The following CAMTA1 variants were observed in gnomAD, a reference collection of about 807,000 sequenced individuals.
CAMTA1 encodes the protein calmodulin-binding transcription activator 1.
Under a neutral mutation model 170.9 loss-of-function variants are expected in CAMTA1, and 27 were observed. The observed-to-expected ratio is 0.16, with a 90% confidence interval of 0.12 to 0.22. CAMTA1 has a LOEUF of 0.22. Among genes scored for constraint, CAMTA1 ranks in the 10% least tolerant of loss-of-function variants. CAMTA1 has a pLI of 1.00. For missense variants in CAMTA1, 1,619 were observed against 2,217.2 expected (o/e 0.73, Z 5.42); for synonymous variants, 833 against 891.5 (o/e 0.93, Z 1.17).
chr1:7,663,282 T>G (rs2095976752), intron 8 of CAMTA1, 71 bp from the exon 9 acceptor site: 2 of 1,489,604 alleles, frequency 1.3e-6, no homozygotes, highest in Non-Finnish European at 1.8e-6. Context: ...TGACTCTCTT[T>G]TGTGTGTGCA....
chr1:7,405,813 G>A (rs1330044805), intron 5 of CAMTA1, among the ~76,000 whole-genome samples: 2 of 152,226 alleles, frequency 1.3e-5, no homozygotes, highest in African/African-American at 4.8e-5. Flanking sequence ...TGCCCTGGAG[G>A]AGGACCAAGC....
At chr1:7,483,736 G>A (rs1420149803) in intron 6 of CAMTA1, among the ~76,000 whole-genome samples, 3 of 152,124 alleles carry the variant, frequency 2.0e-5, no homozygotes, top group African/African-American at 4.8e-5. Flanking sequence ...CCCACCCTGG[G>A]GAGGGAAACC....
intron 6 of CAMTA1, among the ~76,000 whole-genome samples, chr1:7,621,579 A>C (rs2095598576): frequency 6.6e-6 from 1 of 152,188 alleles, no homozygotes; most frequent in African/African-American, 2.4e-5. Context: ...GTTAATAAGA[A>C]ACTAAGAAAT....
intron 3 of CAMTA1, among the ~76,000 whole-genome samples, chr1:6,975,836 C>G (rs1205598307): frequency 6.6e-6 from 1 of 152,208 alleles, no homozygotes; most frequent in African/African-American, 2.4e-5. Flanking sequence ...CCCTTGGCAA[C>G]CACCAATCTG....
intron 5 of CAMTA1, among the ~76,000 whole-genome samples, chr1:7,400,116 T>TGTCA (rs1021846822): frequency 2.9e-4 from 44 of 152,342 alleles, no homozygotes; most frequent in African/African-American, 1.0e-3. Flanking sequence ...TGAAGATATT[T>TGTCA]GTCAGCTTAA....
chr1:7,741,293 G>A (rs77597443), intron 16 of CAMTA1, among the ~76,000 whole-genome samples: 22,085 of 152,180 alleles, frequency 0.15, 2,129 homozygotes, highest in East Asian at 0.28. Context: ...GCCGGGCGCG[G>A]TGGCTCACAC....
intron 3 of CAMTA1, among the ~76,000 whole-genome samples, chr1:6,993,031 A>G (rs896770084): frequency 6.6e-6 from 1 of 152,250 alleles, no homozygotes; most frequent in Non-Finnish European, 1.5e-5. Context: ...CTAAACATTA[A>G]TTAACCACAT....
intron 1 of CAMTA1, among the ~76,000 whole-genome samples, chr1:6,808,291 A>C (rs1644753506): frequency 6.6e-6 from 1 of 151,956 alleles, no homozygotes; most frequent in East Asian, 1.9e-4. Flanking sequence ...AACAGGTGCT[A>C]ATAAGGGCCA....
intron 4 of CAMTA1, among the ~76,000 whole-genome samples, chr1:7,199,243 G>C (rs1021780181): frequency 6.6e-6 from 1 of 152,198 alleles, no homozygotes; most frequent in Non-Finnish European, 1.5e-5. Flanking sequence ...TGGGCATCCT[G>C]CCTGGAGAAG....
intron 4 of CAMTA1, among the ~76,000 whole-genome samples, chr1:7,103,456 TACACACATGTACACAAC>T (rs1470922945): frequency 1.7e-5 from 2 of 120,596 alleles, no homozygotes; most frequent in Non-Finnish European, 3.4e-5. Flanking sequence ...CACACACAAC[TACACACATGTACACAAC>T]ACACACTACA....
intron 5 of CAMTA1, among the ~76,000 whole-genome samples, chr1:7,406,081 G>A (rs1354162758): frequency 1.3e-5 from 2 of 152,250 alleles, no homozygotes; most frequent in Non-Finnish European, 2.9e-5. Context: ...TGGCAGAGCT[G>A]GAGCTTCTGC....
intron 5 of CAMTA1, among the ~76,000 whole-genome samples, chr1:7,399,950 A>G (rs928930382): frequency 2.0e-5 from 3 of 152,168 alleles, no homozygotes; most frequent in African/African-American, 7.2e-5. Context: ...TTCCTTGGAG[A>G]GGACCTCTTT....
intron 3 of CAMTA1, among the ~76,000 whole-genome samples, chr1:6,985,563 T>TA (rs1241100690): frequency 1.3e-5 from 2 of 152,254 alleles, no homozygotes; most frequent in African/African-American, 2.4e-5. Flanking sequence ...GATATACACT[T>TA]ACAATCTCTC....
intron 3 of CAMTA1, among the ~76,000 whole-genome samples, chr1:7,080,598 G>A (rs1043115349): frequency 6.6e-6 from 1 of 152,006 alleles, no homozygotes; most frequent in African/African-American, 2.4e-5. Flanking sequence ...GTAATGGCAC[G>A]ATCTTGGCTC....
chr1:7,449,551 A>G (rs1775041), intron 5 of CAMTA1, among the ~76,000 whole-genome samples: 24,039 of 152,038 alleles, frequency 0.16, 2,384 homozygotes, highest in East Asian at 0.34. Flanking sequence ...GGGCGGATCA[A>G]TTGAGGACAG....
At chr1:6,930,104 C>G (rs1489743589) in intron 3 of CAMTA1, among the ~76,000 whole-genome samples, 1 of 152,180 alleles carries the variant, frequency 6.6e-6, no homozygotes, top group African/African-American at 2.4e-5. Flanking sequence ...AGCCTTTGCA[C>G]ATGCTCTTCC....
chr1:6,999,090 G>A (rs17030129), intron 3 of CAMTA1, among the ~76,000 whole-genome samples: 26,393 of 152,078 alleles, frequency 0.17, 2,553 homozygotes, highest in South Asian at 0.26. Flanking sequence ...TATAGCCAGC[G>A]TTTCCAGTGG....
chr1:7,006,541 G>A (rs1466929273), intron 3 of CAMTA1, among the ~76,000 whole-genome samples: 1 of 152,116 alleles, frequency 6.6e-6, no homozygotes, highest in African/African-American at 2.4e-5. Flanking sequence ...TTAATTATCA[G>A]GAAAATGATA....
chr1:7,176,651 T>C (rs1381471309), intron 4 of CAMTA1, among the ~76,000 whole-genome samples: 1 of 152,216 alleles, frequency 6.6e-6, no homozygotes, highest in Non-Finnish European at 1.5e-5. Flanking sequence ...GCTGAGGGCA[T>C]AGGAGCACTC....
Sources: allele counts gnomAD v4.1 joint callset (sites outside exome capture counted in the v4.1 genomes callset), GRCh38; gene constraint gnomAD v4.1.1; transcripts MANE v1.5; gene names NCBI Gene and HGNC (gene_info 2026-07-23, HGNC 2026-07-21).